The following STK17A variants were observed in gnomAD, a reference collection of about 807,000 sequenced individuals.
STK17A encodes the protein serine/threonine-protein kinase 17A.
In STK17A, 26 loss-of-function variants were observed where a neutral mutation model predicts 43.7. The ratio of observed to expected loss-of-function variants is 0.60; its 90% confidence interval spans 0.44 to 0.83. The LOEUF (loss-of-function observed/expected upper bound fraction) is 0.83, where lower values mean the gene tolerates loss of function less well. Among genes scored for constraint, STK17A ranks in the 40% least tolerant of loss-of-function variants. STK17A has a pLI of 0.00. For missense variants in STK17A, 476 were observed against 511.6 expected (o/e 0.93, Z 0.67); for synonymous variants, 191 against 182.5 (o/e 1.05, Z -0.38).
intron 2 of STK17A, among the ~76,000 whole-genome samples, chr7:43,603,810 T>C (rs2082571269): frequency 6.6e-6 from 1 of 152,188 alleles, no homozygotes; most frequent in African/African-American, 2.4e-5. Flanking sequence ...CAAACTTTGT[T>C]TCATGCACAA....
rs1336294762 is a variant in STK17A at position 43,595,906 on chromosome 7, A to G, written c.212A>G (p.Lys71Arg). ...ATGTTTTTGTTTAATTCTAGGGGGA[A>G]ATTTGCAGTGGTGAGAAAATGTATA... ...LCPGRELGRGKFAVVRKCIKK... is the reference protein window; with the variant it reads ...LCPGRELGRGRFAVVRKCIKK... Residue 71 changes from lysine (K) to arginine (R), a missense_variant, in exon 2 of 7, where the codon AAA becomes AGA. Lys to Arg is a conservative substitution (Grantham distance 26, BLOSUM62 2). Around this residue, in one of 3 missense-constraint regions of STK17A, gnomAD observed 320 missense variants for 326.3 expected, o/e 0.98. Coordinates refer to ENST00000319357, the MANE Select transcript of STK17A (RefSeq NM_004760.3). 6.2e-7 allele frequency: 1 copy of G among 1,612,954 alleles called. No individual in the cohort carries two copies. Among genetic ancestry groups the G allele is most frequent in the South Asian group, 1.1e-5 (1 of 90,868 alleles).
At chr7:43,622,032 G>A (rs772850949) in intron 4 of STK17A, among the ~76,000 whole-genome samples, 6 of 152,072 alleles carry the variant, frequency 3.9e-5, no homozygotes, top group Admixed American at 6.6e-5. Context: ...TAATAGTACC[G>A]ACCTCATAGG....
chr7:43,590,148 G>A lies in STK17A; in HGVS notation c.207-5753G>A, dbSNP rs373672109. 6.6e-5 allele frequency among the ~76,000 whole-genome samples: 10 copies of A among 150,838 alleles called. No homozygotes were observed. The East Asian group carries it at 1.5e-3, about 23-fold the overall frequency. Reference sequence around the variant, plus strand: ...TTTTGTAGTGACAAGATTTCGCCACGTTGCCCAGGCTGGTCTCGAACTCCT... The same window carrying A: ...TTTTGTAGTGACAAGATTTCGCCACATTGCCCAGGCTGGTCTCGAACTCCT... On this transcript the variant is annotated intron_variant, in intron 1 of 6. Transcript: ENST00000319357.
chr7:43,623,918 G>T, intron 6 of STK17A, 30 bp downstream of exon 6: 2 of 1,340,660 alleles, frequency 1.5e-6, no homozygotes, highest in South Asian at 4.1e-5. Flanking sequence ...GTTTAATATT[G>T]AACTAATTCA....
Position 43,627,048 on chromosome 7 carries a change from T to G in STK17A, c.*2206T>G, listed in dbSNP as rs1226398947. Among the ~76,000 whole-genome samples the G allele has an allele frequency of 6.6e-6, 1 of 152,230 alleles. No individual in the cohort carries two copies. The highest frequency in any genetic ancestry group is 1.9e-4 in the East Asian group (1 of 5,202). The stretch of plus-strand genomic sequence containing the variant: ...TACACTTATCTAAAGCTGTTAATGT[T>G]CCTTTTTTTCTATCACCAAATTTAT... On this transcript the variant is annotated 3_prime_UTR_variant, in exon 7 of 7. Coordinates refer to ENST00000319357, the MANE Select transcript of STK17A (RefSeq NM_004760.3).
chr7:43,620,315 A>G (rs1165856312), intron 4 of STK17A, among the ~76,000 whole-genome samples: 2 of 152,202 alleles, frequency 1.3e-5, no homozygotes, highest in African/African-American at 4.8e-5. Flanking sequence ...TAATAGTTTG[A>G]TGGTCTTTTT....
chr7:43,616,758 G>A (rs559185392), intron 3 of STK17A, among the ~76,000 whole-genome samples: 8 of 151,968 alleles, frequency 5.3e-5, no homozygotes, highest in African/African-American at 1.2e-4. Context: ...TTAGCCGGGC[G>A]TGGTGGCGGG....
At chr7:43,618,158 G>A (rs12702053) in intron 3 of STK17A, among the ~76,000 whole-genome samples, 51,423 of 152,024 alleles carry the variant, frequency 0.34, 9,825 homozygotes, top group Non-Finnish European at 0.45. Flanking sequence ...ACAGCTAACA[G>A]AACAATAGAG....
At chr7:43,616,694 G>A (rs575608656) in intron 3 of STK17A, among the ~76,000 whole-genome samples, 20 of 152,212 alleles carry the variant, frequency 1.3e-4, no homozygotes, top group East Asian at 1.9e-4. Context: ...TCAGGAGATC[G>A]AGACCATCCT....
chr7:43,600,119 C>T (rs1421746938), intron 2 of STK17A, among the ~76,000 whole-genome samples: 1 of 152,200 alleles, frequency 6.6e-6, no homozygotes, highest in Non-Finnish European at 1.5e-5. Flanking sequence ...TCTAGGTATT[C>T]TTTAATCCAG....
intron 2 of STK17A, among the ~76,000 whole-genome samples, chr7:43,607,209 C>T (rs993293724): frequency 6.6e-5 from 10 of 151,850 alleles, no homozygotes; most frequent in Non-Finnish European, 1.0e-4. Flanking sequence ...AGGTGTGAGC[C>T]ACTGTGCCCA....
intron 5 of STK17A, 22 bp from the exon 6 acceptor site, chr7:43,623,687 T>TTGC (rs2084168828): frequency 6.2e-7 from 1 of 1,601,158 alleles, no homozygotes; most frequent in African/African-American, 1.3e-5. Context: ...TAAATTTTTC[T>TTGC]TGCATTTTCT....
chr7:43,589,225 A>G (rs184672737), intron 1 of STK17A, among the ~76,000 whole-genome samples: 16 of 151,700 alleles, frequency 1.1e-4, no homozygotes, highest in Admixed American at 1.1e-3. Flanking sequence ...CACACCTGCC[A>G]TGTGCAGGGC....
intron 2 of STK17A, among the ~76,000 whole-genome samples, chr7:43,597,551 A>G (rs1011841021): frequency 5.3e-5 from 8 of 152,054 alleles, no homozygotes; most frequent in African/African-American, 1.9e-4. Context: ...ATGCCTGGCT[A>G]ATTTTTTGTA....
chr7:43,588,509 G>T (rs1416725191), intron 1 of STK17A, among the ~76,000 whole-genome samples: 1 of 151,446 alleles, frequency 6.6e-6, no homozygotes, highest in African/African-American at 2.4e-5. Context: ...TCCTTTCAGC[G>T]ATAAGGAAGA....
rs777385170 is a variant in STK17A at position 43,624,688 on chromosome 7, CCATTGTAACCGAAGAGTT to C, written c.1092_1109del (p.Thr367_Val372del). 1 of 1,614,032 alleles carries C rather than the reference CCATTGTAACCGAAGAGTT, an allele frequency of 6.2e-7. No individual in the cohort carries two copies. Among genetic ancestry groups the C allele is most frequent in the Admixed American group, 1.7e-5 (1 of 60,014 alleles). ...ACCGACAAATCAGAAACCAAGGAAT[CCATTGTAACCGAAGAGTT>C]AATTGTAGTTACTTCATATACTCTA... On this transcript the variant is annotated inframe_deletion, in exon 7 of 7. Coordinates refer to ENST00000319357, the MANE Select transcript of STK17A (RefSeq NM_004760.3).
At chr7:43,619,570 T>C (rs751328227) in intron 3 of STK17A, 27 bp from the exon 4 acceptor site, 64 of 1,607,972 alleles carry the variant, frequency 4.0e-5, no homozygotes, top group Non-Finnish European at 5.3e-5. Context: ...GTTATATTGA[T>C]TTTTGCGGGG....
chr7:43,610,122 G>A (rs1052686327), intron 3 of STK17A, among the ~76,000 whole-genome samples: 25 of 150,072 alleles, frequency 1.7e-4, no homozygotes, highest in African/African-American at 7.4e-5. Context: ...CGAGGTGGGC[G>A]GATCACAAGG....
intron 2 of STK17A, among the ~76,000 whole-genome samples, chr7:43,597,293 T>A (rs2082522870): frequency 6.7e-6 from 1 of 149,242 alleles, no homozygotes; most frequent in Non-Finnish European, 1.5e-5. Flanking sequence ...GATCAAAATC[T>A]TGAAAATATA....
Sources: gnomAD v4.1 joint callset for allele counts (sites outside exome capture counted in the v4.1 genomes callset) on GRCh38, gnomAD v4.1.1 for gene constraint, gnomAD v4.1.1 regional missense constraint, MANE v1.5 for transcripts, NCBI Gene and HGNC (gene_info 2026-07-23, HGNC 2026-07-21) for gene names.